Variants in DLGAP2 observed in about 807,000 individuals in gnomAD.
DLGAP2 encodes the protein disks large-associated protein 2.
In DLGAP2, 26 loss-of-function variants were observed where a neutral mutation model predicts 100.3. The ratio of observed to expected loss-of-function variants is 0.26; its 90% CI spans 0.19 to 0.36. The LOEUF (loss-of-function observed/expected upper bound fraction) is 0.36, where lower values mean the gene tolerates loss of function less well. Ranked by LOEUF, DLGAP2 falls within the 10% of genes least tolerant of loss-of-function variation. DLGAP2 has a pLI of 1.00. For synonymous variants in DLGAP2, 886 were observed against 630.1 expected (o/e 1.41, Z -6.08); for missense variants, 1,858 against 1,453.2 (o/e 1.28, Z -4.53).
Position 1,616,413 on chromosome 8 carries a change from G to C in DLGAP2, c.1443-10327G>C, listed in dbSNP as rs564034105. On this transcript the variant is annotated intron_variant, in intron 6 of 14. Coordinates refer to ENST00000637795, the MANE Select transcript of DLGAP2 (RefSeq NM_001346810.2). Reference sequence around the variant, plus strand: ...CAAAATGCTCAGTGAACTCTAAGAAGATAAATAGAAAAAAATCATACCTAG... The same window carrying C: ...CAAAATGCTCAGTGAACTCTAAGAACATAAATAGAAAAAAATCATACCTAG... Among the ~76,000 whole-genome samples the C allele has an allele frequency of 2.6e-5, 4 of 152,110 alleles. No homozygotes were observed. The South Asian group carries it at 8.3e-4, about 32-fold the overall frequency.
At chr8:1,217,326 T>C (rs1335653005) in intron 2 of DLGAP2, among the ~76,000 whole-genome samples, 1 of 152,184 alleles carries the variant, frequency 6.6e-6, no homozygotes, top group Non-Finnish European at 1.5e-5. Flanking sequence ...CCATCATGCA[T>C]ATGCACCACA....
intron 2 of DLGAP2, among the ~76,000 whole-genome samples, chr8:1,215,067 G>A (rs1029678518): frequency 2.6e-5 from 4 of 152,156 alleles, no homozygotes; most frequent in Non-Finnish European, 5.9e-5. Flanking sequence ...GAAAATCAAC[G>A]TCATCCATGC....
At chr8:1,223,375 C>T (rs1261725147) in intron 2 of DLGAP2, among the ~76,000 whole-genome samples, 1 of 152,140 alleles carries the variant, frequency 6.6e-6, no homozygotes, top group African/African-American at 2.4e-5. Context: ...CATCTTGGCT[C>T]TTCTCCGCGG....
intron 2 of DLGAP2, among the ~76,000 whole-genome samples, chr8:1,159,995 G>A (rs1380010280): frequency 6.6e-6 from 1 of 152,146 alleles, no homozygotes; most frequent in Non-Finnish European, 1.5e-5. Context: ...GCGTCTTTAA[G>A]TGTGAGGAGG....
intron 3 of DLGAP2, among the ~76,000 whole-genome samples, chr8:1,292,515 T>G (rs1344549856): frequency 6.6e-6 from 1 of 152,216 alleles, no homozygotes; most frequent in Non-Finnish European, 1.5e-5. Context: ...CTCTAAAAAA[T>G]TTTGATCTGT....
chr8:1,338,327 C>G (rs960305441), intron 3 of DLGAP2, among the ~76,000 whole-genome samples: 5 of 152,192 alleles, frequency 3.3e-5, no homozygotes, highest in Admixed American at 1.3e-4. Context: ...GCAGGCCACA[C>G]GTATGATGGA....
intron 2 of DLGAP2, among the ~76,000 whole-genome samples, chr8:1,215,978 G>C (rs896275595): frequency 4.6e-5 from 7 of 151,606 alleles, no homozygotes; most frequent in South Asian, 2.1e-4. Flanking sequence ...CAGGTACCTC[G>C]ATGGGTTCAT....
At chr8:922,399 CAGTTTTAATA>C (rs1226573948) in intron 2 of DLGAP2, among the ~76,000 whole-genome samples, 21 of 152,258 alleles carry the variant, frequency 1.4e-4, no homozygotes, top group African/African-American at 4.3e-4. Flanking sequence ...AGATGGAAGA[CAGTTTTAATA>C]TTTGCCCCCA....
chr8:1,180,444 C>A (rs1172741478), intron 2 of DLGAP2, among the ~76,000 whole-genome samples: 2 of 152,374 alleles, frequency 1.3e-5, no homozygotes, highest in Admixed American at 6.5e-5. Flanking sequence ...CAGTCCTCTG[C>A]TTCAGGCCCG....
chr8:1,370,448 A>G (rs538633649), intron 3 of DLGAP2, among the ~76,000 whole-genome samples: 1 of 152,316 alleles, frequency 6.6e-6, no homozygotes, highest in African/African-American at 2.4e-5. Context: ...GTGGAAAATG[A>G]ACTTAAAATA....
At chr8:1,454,309 C>T (rs981222030) in intron 3 of DLGAP2, among the ~76,000 whole-genome samples, 9 of 152,134 alleles carry the variant, frequency 5.9e-5, no homozygotes, top group African/African-American at 2.2e-4. Context: ...TGAACAGTAG[C>T]ATCCATGGCA....
At chr8:1,651,784 G>T (rs184319553) in intron 8 of DLGAP2, among the ~76,000 whole-genome samples, 2 of 152,172 alleles carry the variant, frequency 1.3e-5, no homozygotes, top group African/African-American at 4.8e-5. Context: ...TTTCCATCTG[G>T]GTATGTGCTC....
intron 3 of DLGAP2, among the ~76,000 whole-genome samples, chr8:1,309,077 A>G (rs1240880710): frequency 6.6e-6 from 1 of 152,194 alleles, no homozygotes; most frequent in Non-Finnish European, 1.5e-5. Context: ...GAAAAGGAAG[A>G]ACAGGGAGCC....
rs868728087 is a variant in DLGAP2 at position 1,033,786 on chromosome 8, C to T, written c.73+125820C>T. On this transcript the variant is annotated intron_variant, in intron 2 of 14. Transcript: ENST00000637795. Reference sequence around the variant, plus strand: ...GCGTGTCACCGCGAGTGGGTTCACACGCTCATCCCGACCCCGCGTGTCACC... The same window carrying T: ...GCGTGTCACCGCGAGTGGGTTCACATGCTCATCCCGACCCCGCGTGTCACC... 3.9e-3 allele frequency among the ~76,000 whole-genome samples: 456 copies of T among 115,850 alleles called. 1 individual carries two copies. The highest frequency in any genetic ancestry group is 0.014 in the African/African-American group (432 of 29,966). The allele number at this position is 115,850 out of a possible 152,430, so 76.0% of individuals were successfully genotyped here. A position where few individuals can be genotyped will look rare whatever the true frequency, so the allele number is the denominator to read the frequency against.
At chr8:1,696,363 A>G (rs766947885) in intron 13 of DLGAP2, among the ~76,000 whole-genome samples, 20 of 152,146 alleles carry the variant, frequency 1.3e-4, no homozygotes, top group Non-Finnish European at 2.6e-4. Flanking sequence ...AGCTGGGTGT[A>G]GTGACCTATG....
Position 907,795 on chromosome 8 carries a change from G to A in DLGAP2, c.19-117G>A, listed in dbSNP as rs184563470. 394 of 393,566 alleles carry A rather than the reference G, an allele frequency of 1.0e-3. 3 individuals are homozygous for A. The highest frequency in any genetic ancestry group is 7.4e-3 in the African/African-American group (360 of 48,646). 24.4% of individuals were successfully genotyped at this position (393,566 alleles called of 1,614,324 possible). A position where few individuals can be genotyped will look rare whatever the true frequency, so the allele number is the denominator to read the frequency against. On this transcript the variant is annotated intron_variant, in intron 1 of 14. Transcript: ENST00000637795. Reference sequence around the variant, plus strand: ...TAATTTGTTAGGCCTTTCTGGGCACGCTGACTTTGTGCAACATTGAACTAC... The same window carrying A: ...TAATTTGTTAGGCCTTTCTGGGCACACTGACTTTGTGCAACATTGAACTAC...
chr8:906,159 C>T lies in DLGAP2; in HGVS notation c.19-1753C>T, dbSNP rs975803989. The stretch of plus-strand genomic sequence containing the variant: ...CAGCAGAGCAGCTTGTGATTTCAGC[C>T]GGGAGGAGACCGTGAGGGAAGAGAT... On this transcript the variant is annotated intron_variant, in intron 1 of 14. Transcript: ENST00000637795. Among the ~76,000 whole-genome samples, 17 of 152,310 alleles carry T rather than the reference C, an allele frequency of 1.1e-4. No homozygotes were observed. In the South Asian group the frequency reaches 2.5e-3, roughly 22 times the overall value.
intron 2 of DLGAP2, among the ~76,000 whole-genome samples, chr8:965,850 C>T (rs1280793297): frequency 6.6e-6 from 1 of 151,922 alleles, no homozygotes; most frequent in African/African-American, 2.4e-5. Context: ...ACACACGCGG[C>T]TCCAGAGCCC....
intron 3 of DLGAP2, among the ~76,000 whole-genome samples, chr8:1,289,043 C>T (rs557260816): frequency 2.0e-5 from 3 of 152,260 alleles, no homozygotes; most frequent in Middle Eastern, 3.4e-3. Context: ...TTTCTTTTGA[C>T]ATTGGCAGAT....
Sources: gnomAD v4.1 joint callset for allele counts (sites outside exome capture counted in the v4.1 genomes callset) on GRCh38, gnomAD v4.1.1 for gene constraint, MANE v1.5 for transcripts, NCBI Gene and HGNC (gene_info 2026-07-23, HGNC 2026-07-21) for gene names.